Variants in DGKB observed in about 807,000 individuals in gnomAD.
The protein encoded by DGKB is diacylglycerol kinase beta, also known as 90 kDa diacylglycerol kinase.
DGKB carries 67 observed loss-of-function variants against 114.3 expected under a neutral mutation model. The ratio of observed to expected loss-of-function variants is 0.59; its 90% CI spans 0.48 to 0.72. The LOEUF (loss-of-function observed/expected upper bound fraction) is 0.72. DGKB is among the 30% of genes least tolerant of loss of function. The pLI is 0.00. For missense variants in DGKB, 907 were observed against 975.2 expected (o/e 0.93, Z 0.93); for synonymous variants, 398 against 323.1 (o/e 1.23, Z -2.49).
chr7:14,969,343 G>A (rs778581096), intron 1 of DGKB, among the ~76,000 whole-genome samples: 20 of 152,146 alleles, frequency 1.3e-4, no homozygotes, highest in Non-Finnish European at 1.9e-4. Context: ...AATGAACAAT[G>A]GGGATACTTT....
intron 23 of DGKB, among the ~76,000 whole-genome samples, chr7:14,209,799 T>C (rs1787456421): frequency 6.6e-6 from 1 of 152,062 alleles, no homozygotes; most frequent in Admixed American, 6.6e-5. Flanking sequence ...TTTTAGTGGA[T>C]TTGCATGGGG....
At chr7:14,645,618 TCCC>T (rs1205056177) in intron 13 of DGKB, among the ~76,000 whole-genome samples, 1 of 150,420 alleles carries the variant, frequency 6.6e-6, no homozygotes, top group African/African-American at 2.5e-5. Context: ...TACAAGGGAG[TCCC>T]CATTAGACTA....
At chr7:14,361,362 T>G (rs536176570) in intron 21 of DGKB, among the ~76,000 whole-genome samples, 3 of 152,174 alleles carry the variant, frequency 2.0e-5, no homozygotes, top group African/African-American at 7.2e-5. Context: ...TGAATTATAT[T>G]GAAAATATTG....
At chr7:14,780,479 G>T (rs559852462) in intron 2 of DGKB, among the ~76,000 whole-genome samples, 95 of 152,326 alleles carry the variant, frequency 6.2e-4, no homozygotes, top group Admixed American at 2.2e-3. Flanking sequence ...TGGCCCCTGA[G>T]AGAGCAGTTG....
intron 1 of DGKB, among the ~76,000 whole-genome samples, chr7:14,922,604 A>G (rs1216738516): frequency 6.6e-6 from 1 of 152,088 alleles, no homozygotes; most frequent in Non-Finnish European, 1.5e-5. Flanking sequence ...AAGCATATAT[A>G]CTTGCTTCAT....
At chr7:14,729,304 A>G (rs1160566795) in intron 5 of DGKB, among the ~76,000 whole-genome samples, 3 of 138,592 alleles carry the variant, frequency 2.2e-5, no homozygotes, top group East Asian at 2.0e-4. Flanking sequence ...TTGTATTTTT[A>G]GTAGAGACCA....
chr7:14,662,548 T>C (rs756156341), intron 13 of DGKB, among the ~76,000 whole-genome samples: 19 of 151,924 alleles, frequency 1.3e-4, no homozygotes, highest in South Asian at 4.1e-4. Context: ...ATCATGTTAC[T>C]TATAATAACA....
intron 23 of DGKB, among the ~76,000 whole-genome samples, chr7:14,245,385 C>A (rs1015385083): frequency 6.6e-6 from 1 of 151,652 alleles, no homozygotes; most frequent in South Asian, 2.1e-4. Flanking sequence ...TTAAATATAC[C>A]CTATTGGGAA....
At chr7:14,535,776 C>T (rs1387340999) in intron 20 of DGKB, among the ~76,000 whole-genome samples, 2 of 151,928 alleles carry the variant, frequency 1.3e-5, no homozygotes, top group African/African-American at 2.4e-5. Context: ...TTAGTAGAGA[C>T]GGGGTTTCAC....
At chr7:14,225,001 T>C (rs1314784267) in intron 23 of DGKB, among the ~76,000 whole-genome samples, 4 of 152,014 alleles carry the variant, frequency 2.6e-5, no homozygotes, top group Non-Finnish European at 5.9e-5. Flanking sequence ...ACTTCCTAGT[T>C]GCCTCTATTC....
chr7:14,510,049 G>A (rs752129046), intron 20 of DGKB, among the ~76,000 whole-genome samples: 24 of 152,230 alleles, frequency 1.6e-4, no homozygotes, highest in Admixed American at 2.6e-4. Flanking sequence ...GGCGGCGGGC[G>A]CCTGTAGTCC....
At chr7:14,682,452 C>T (rs925245700) in intron 12 of DGKB, 101 bp downstream of exon 12, 1 of 761,566 alleles carries the variant, frequency 1.3e-6, no homozygotes, top group African/African-American at 1.7e-5. Context: ...TGCTTACACT[C>T]AGTTTCAGGA....
chr7:14,719,574 A>T (rs1828805186), intron 5 of DGKB, among the ~76,000 whole-genome samples: 1 of 151,976 alleles, frequency 6.6e-6, no homozygotes, highest in Admixed American at 6.6e-5. Context: ...CTAGATTCCT[A>T]ATCAACCAGG....
Position 14,898,063 on chromosome 7 carries a change from C to A in DGKB, c.-188+4529G>T, listed in dbSNP as rs781702295. ...GCATATTCAATAATAAAGGCAAGCA[C>A]AAGTTTCAGTGGAACCATATAGAAA... On this transcript the variant is annotated intron_variant, in intron 1 of 25. Transcript: ENST00000402815. Among the ~76,000 whole-genome samples, 10 of 151,910 alleles carry A rather than the reference C, an allele frequency of 6.6e-5. 1 individual carries two copies. In the South Asian group the frequency reaches 2.1e-3, roughly 31 times the overall value.
intron 1 of DGKB, among the ~76,000 whole-genome samples, chr7:14,917,799 C>G (rs1360364004): frequency 6.6e-6 from 1 of 151,984 alleles, no homozygotes; most frequent in East Asian, 1.9e-4. Flanking sequence ...ATATCTAAAT[C>G]TGACCCTTAC....
At position 14,431,780 on chromosome 7, in the gene DGKB, G is replaced by A. The variant is rs571177767; in HGVS notation, c.1835+46381C>T. On this transcript the variant is annotated intron_variant, in intron 21 of 25. Transcript: ENST00000402815. Reference sequence around the variant, plus strand: ...GAACTGATACATTCTTGAGAAAGATGTATATATTGATTCATATGAGATTTT... The same window carrying A: ...GAACTGATACATTCTTGAGAAAGATATATATATTGATTCATATGAGATTTT... Among the ~76,000 whole-genome samples, 32 of 152,100 alleles carry A rather than the reference G, an allele frequency of 2.1e-4. 3 individuals are homozygous for A. In the South Asian group the frequency reaches 6.2e-3, roughly 30 times the overall value.
intron 21 of DGKB, 109 bp downstream of exon 21, chr7:14,478,052 A>ACACAC: frequency 1.5e-6 from 1 of 647,808 alleles, no homozygotes; most frequent in African/African-American, 1.8e-5. Context: ...ACACGCACAC[A>ACACAC]AAGCCTCATA....
intron 4 of DGKB, among the ~76,000 whole-genome samples, chr7:14,744,295 A>G (rs1167429986): frequency 6.6e-6 from 1 of 152,208 alleles, no homozygotes; most frequent in Admixed American, 6.5e-5. Context: ...CTCTGGCAAC[A>G]GTACACAGTT....
chr7:14,602,671 G>A (rs993710898), intron 17 of DGKB, among the ~76,000 whole-genome samples: 1 of 152,204 alleles, frequency 6.6e-6, no homozygotes, highest in Non-Finnish European at 1.5e-5. Flanking sequence ...GCCATCAGCA[G>A]ATACCAAATC....
Sources: gnomAD v4.1 joint callset for allele counts (sites outside exome capture counted in the v4.1 genomes callset) on GRCh38, gnomAD v4.1.1 for gene constraint, MANE v1.5 for transcripts, NCBI Gene and HGNC (gene_info 2026-07-23, HGNC 2026-07-21) for gene names.